Variants in CCT7 observed in about 807,000 individuals in gnomAD.
CCT7 encodes T-complex protein 1 subunit eta.
Under a neutral mutation model 56.6 loss-of-function variants are expected in CCT7, and 16 were observed. The ratio of observed to expected loss-of-function variants is 0.28; its 90% CI spans 0.19 to 0.43. The LOEUF (loss-of-function observed/expected upper bound fraction) is 0.43. Ranked by LOEUF, CCT7 falls within the 20% of genes least tolerant of loss-of-function variation. The pLI is 1.00. For missense variants in CCT7, 519 were observed against 685.6 expected, an observed-to-expected ratio of 0.76 and a Z score of 2.71; for synonymous variants, 262 against 254.8, an observed-to-expected ratio of 1.03 and a Z score of -0.27.
intron 4 of CCT7, 105 bp from the exon 5 acceptor site, chr2:73,243,892 C>A: frequency 1.0e-6 from 1 of 987,170 alleles, no homozygotes; most frequent in Non-Finnish European, 1.6e-6. Flanking sequence ...AGTAGAAATG[C>A]TTAGGATTTG....
At chr2:73,243,933 T>C in intron 4 of CCT7, 64 bp from the exon 5 acceptor site, 1 of 1,449,818 alleles carries the variant, frequency 6.9e-7, no homozygotes, top group African/African-American at 1.4e-5. Flanking sequence ...TATTGAGAGA[T>C]TGAGGTCCAC....
chr2:73,236,293 C>T (rs1686880020), intron 1 of CCT7, among the ~76,000 whole-genome samples: 1 of 152,062 alleles, frequency 6.6e-6, no homozygotes, highest in Admixed American at 6.5e-5. Context: ...AATTCCAAAA[C>T]CTTCCATTAT....
chr2:73,248,906 G>C (rs1233166812), intron 7 of CCT7, 85 bp from the exon 8 acceptor site: 5 of 1,043,158 alleles, frequency 4.8e-6, no homozygotes, highest in Non-Finnish European at 5.7e-6. Context: ...GTTTTATTTG[G>C]TGGGGGCAGA....
Position 73,242,951 on chromosome 2 carries a change from G to A in CCT7, c.268-53G>A, listed in dbSNP as rs1373153392. The A allele has an allele frequency of 2.5e-5, 41 of 1,610,720 alleles. No individual in the cohort carries two copies. In the South Asian group the frequency reaches 4.3e-4, roughly 17 times the overall value. Reference sequence around the variant, plus strand: ...AGCGTGCCTAAAAATGGAGTTTCAGGGCTTTATTCCCTGAACATCAGAAAA... The same window carrying A: ...AGCGTGCCTAAAAATGGAGTTTCAGAGCTTTATTCCCTGAACATCAGAAAA... On this transcript the variant is annotated intron_variant, in intron 3 of 11. Transcript: ENST00000258091.
In CCT7 at chr2:73,241,338, C is replaced by T. The variant is rs534245983; in HGVS notation, c.267+795C>T. Among the ~76,000 whole-genome samples the T allele has an allele frequency of 4.6e-4, 70 of 151,564 alleles. 1 individual carries two copies. Among genetic ancestry groups the T allele is most frequent in the African/African-American group, 1.5e-3 (64 of 41,366 alleles). ...GGATTTGATTTGTTTTTGTCTTCAA[C>T]GAGGGAATAATGCCTTTTGGTCCAG... is the stretch of plus-strand genomic sequence containing the variant. On this transcript the variant is annotated intron_variant, in intron 3 of 11. Coordinates refer to ENST00000258091, the MANE Select transcript of CCT7 (RefSeq NM_006429.4).
In CCT7 at chr2:73,244,068, T is replaced by G. The variant is rs746736128; in HGVS notation, c.446+19T>G. 10 of 1,506,328 alleles carry G rather than the reference T, an allele frequency of 6.6e-6. No individual in the cohort carries two copies. The highest frequency in any genetic ancestry group is 4.9e-5 in the South Asian group (4 of 82,378). 93.3% of individuals were successfully genotyped at this position (1,506,328 alleles called of 1,614,324 possible). Reference sequence around the variant, plus strand: ...ATAAAGTGTAAGTCTGTAGTGGGTTTTTTTTTTTTTTTTTAAAGAGACGGA... The same window carrying G: ...ATAAAGTGTAAGTCTGTAGTGGGTTGTTTTTTTTTTTTTTAAAGAGACGGA... On this transcript the variant is annotated intron_variant, in intron 5 of 11. Transcript: ENST00000258091.
At position 73,251,454 on chromosome 2, in the gene CCT7, G is replaced by A. The variant is rs767564690; in HGVS notation, c.1410+22G>A. The A allele has an allele frequency of 4.8e-5, 73 of 1,524,522 alleles. No individual in the cohort carries two copies. The East Asian group carries it at 1.5e-3, about 32-fold the overall frequency. The allele number at this position is 1,524,522 out of a possible 1,614,324, so 94.4% of individuals were successfully genotyped here. On this transcript the variant is annotated intron_variant, in intron 11 of 11. Coordinates refer to ENST00000258091, the MANE Select transcript of CCT7 (RefSeq NM_006429.4). ...CCAGGTGGGTCCTTTCTCTCCCCAG[G>A]GTTCAGGGTTTGGGCGGGTGGGGCT...
At position 73,244,482 on chromosome 2, in the gene CCT7, A is replaced by G. The variant is rs950991533; in HGVS notation, c.447-62A>G. 3.5e-6 allele frequency: 5 copies of G among 1,428,704 alleles called. No homozygotes were observed. The African/African-American group carries it at 4.2e-5, about 12-fold the overall frequency. 88.5% of individuals were successfully genotyped at this position (1,428,704 alleles called of 1,614,324 possible). On this transcript the variant is annotated intron_variant, in intron 5 of 11. Coordinates refer to ENST00000258091, the MANE Select transcript of CCT7 (RefSeq NM_006429.4). ...AAGGGAACTACCTCCACACTGTAGT[A>G]GAATCAGATAAGAGGGATTTGGTTT...
At position 73,244,780 on chromosome 2, in the gene CCT7, A is replaced by G. The variant is rs950801344; in HGVS notation, c.618+65A>G. The G allele has an allele frequency of 1.9e-5, 24 of 1,285,886 alleles. No homozygotes were observed. In the African/African-American group the frequency reaches 2.2e-4, roughly 12 times the overall value. The allele number at this position is 1,285,886 out of a possible 1,614,324, so 79.7% of individuals were successfully genotyped here. A position where few individuals can be genotyped will look rare whatever the true frequency, so the allele number is the denominator to read the frequency against. ...ATATTGACCCTTCAGACAGCTTCAT[A>G]TGGCAGAGGGGTACTCATTACAGGA... On this transcript the variant is annotated intron_variant, in intron 6 of 11. Transcript: ENST00000258091.
intron 8 of CCT7, among the ~76,000 whole-genome samples, 169 bp downstream of exon 8, chr2:73,249,348 C>T (rs767596929): frequency 2.0e-4 from 31 of 151,974 alleles, no homozygotes; most frequent in Non-Finnish European, 4.6e-4. Context: ...TGTGTGTGCC[C>T]AGTAGCACAA....
In CCT7 at chr2:73,250,451, T is replaced by A; in HGVS notation, c.1203+13T>A. Reference sequence around the variant, plus strand: ...GAGGGCCATCAAGGTACTGGGCTGATATCCTCCTGCTTGCACAGCCTACTC... The same window carrying A: ...GAGGGCCATCAAGGTACTGGGCTGAAATCCTCCTGCTTGCACAGCCTACTC... On this transcript the variant is annotated intron_variant, in intron 10 of 11. Coordinates refer to ENST00000258091, the MANE Select transcript of CCT7 (RefSeq NM_006429.4). 1 of 1,613,508 alleles carries A rather than the reference T, an allele frequency of 6.2e-7. No homozygotes were observed. Among genetic ancestry groups the A allele is most frequent in the South Asian group, 1.1e-5 (1 of 91,054 alleles).
At position 73,250,478 on chromosome 2, in the gene CCT7, C is replaced by A. The variant is rs373330254; in HGVS notation, c.1203+40C>A. 2.5e-5 allele frequency: 40 copies of A among 1,609,130 alleles called. No individual in the cohort carries two copies. The African/African-American group carries it at 5.2e-4, about 21-fold the overall frequency. On this transcript the variant is annotated intron_variant, in intron 10 of 11. Transcript: ENST00000258091. ...TCCTCCTGCTTGCACAGCCTACTCTCTCCTATCTCCCTAGCTGATCAGACC... is the reference window on the plus strand; with the variant it reads ...TCCTCCTGCTTGCACAGCCTACTCTATCCTATCTCCCTAGCTGATCAGACC...
intron 11 of CCT7, among the ~76,000 whole-genome samples, chr2:73,251,692 A>G (rs1346427461): frequency 6.6e-6 from 1 of 152,202 alleles, no homozygotes; most frequent in African/African-American, 2.4e-5. Flanking sequence ...TGTAATCCCA[A>G]CATTCGGGAG....
At chr2:73,236,684 A>T (rs1221059666) in intron 1 of CCT7, among the ~76,000 whole-genome samples, 1 of 152,182 alleles carries the variant, frequency 6.6e-6, no homozygotes, top group Non-Finnish European at 1.5e-5. Flanking sequence ...GCGAGGTTGA[A>T]AGTAACTAAG....
intron 11 of CCT7, among the ~76,000 whole-genome samples, chr2:73,252,328 T>TATATAG (rs1553380007): frequency 7.0e-6 from 1 of 142,714 alleles, no homozygotes; most frequent in Non-Finnish European, 1.5e-5. Context: ...TTGTTTGATA[T>TATATAG]ATATATATAT....
chr2:73,248,670 G>A (rs185808539), intron 7 of CCT7, among the ~76,000 whole-genome samples: 4 of 152,082 alleles, frequency 2.6e-5, no homozygotes, highest in African/African-American at 9.7e-5. Flanking sequence ...GGTCTTATTG[G>A]GAACTCCATG....
intron 3 of CCT7, among the ~76,000 whole-genome samples, chr2:73,242,536 T>TCC (rs1309583304): frequency 1.3e-5 from 2 of 152,300 alleles, no homozygotes; most frequent in East Asian, 1.9e-4. Context: ...TGCCTCAGCC[T>TCC]CCCAAAGTGC....
At position 73,252,875 on chromosome 2, in the gene CCT7, C is replaced by T; in HGVS notation, c.*14C>T. 6.2e-7 allele frequency: 1 copy of T among 1,600,948 alleles called. No homozygotes were observed. On this transcript the variant is annotated 3_prime_UTR_variant, in exon 12 of 12. Transcript: ENST00000258091. ...CGCCCCCACTGAGAGGCACCCCACC[C>T]ATCACATGGCTGGCTGGCTGCTGGG... is the stretch of plus-strand genomic sequence containing the variant.
At position 73,250,203 on chromosome 2, in the gene CCT7, G is replaced by T. The variant is rs150908909; in HGVS notation, c.1071-103G>T. ...GGATTGGGTAACCTGAGTGAAGAAT[G>T]TAAGAGCAGCTGCTGAGTGTTGGGG... On this transcript the variant is annotated intron_variant, in intron 9 of 11. Transcript: ENST00000258091. 4.2e-3 allele frequency: 5,973 copies of T among 1,418,724 alleles called. 18 individuals carry two copies. The highest frequency in any genetic ancestry group is 5.2e-3 in the Non-Finnish European group (5,343 of 1,021,158). 87.9% of individuals were successfully genotyped at this position (1,418,724 alleles called of 1,614,324 possible). A position where few individuals can be genotyped will look rare whatever the true frequency, so the allele number is the denominator to read the frequency against.
Sources: allele counts gnomAD v4.1 joint callset (sites outside exome capture counted in the v4.1 genomes callset), GRCh38; gene constraint gnomAD v4.1.1; transcripts MANE v1.5; gene names NCBI Gene and HGNC (gene_info 2026-07-23, HGNC 2026-07-21).